Variants in RABGAP1L observed in about 807,000 individuals in gnomAD.
RABGAP1L encodes the protein RAB GTPase activating protein 1 like, also known as rab GTPase-activating protein 1-like.
A neutral mutation model predicts 137.7 loss-of-function variants in RABGAP1L; 63 were observed. That is an observed-to-expected ratio of 0.46 (90% CI 0.37 to 0.56). The LOEUF is 0.56. Among genes scored for constraint, RABGAP1L ranks in the 20% least tolerant of loss-of-function variants. The pLI, the probability that RABGAP1L is intolerant of heterozygous loss-of-function variation, is 0.00. For missense variants in RABGAP1L, 1,095 were observed against 1,244.0 expected, an observed-to-expected ratio of 0.88 and a Z score of 1.80; for synonymous variants, 431 against 433.7, an observed-to-expected ratio of 0.99 and a Z score of 0.08.
chr1:174,621,713 T>A (rs969484959), intron 13 of RABGAP1L, among the ~76,000 whole-genome samples: 13 of 152,236 alleles, frequency 8.5e-5, no homozygotes, highest in South Asian at 2.1e-4. Flanking sequence ...CAAGATGGAT[T>A]AAAGACTTAA....
chr1:174,548,536 CA>C, intron 13 of RABGAP1L: 1 of 971,820 alleles, frequency 1.0e-6, no homozygotes, highest in Non-Finnish European at 1.2e-6. Flanking sequence ...GTAAGTTTTT[CA>C]AAACAGTAAA....
chr1:174,251,510 A>G (rs1406382743), intron 6 of RABGAP1L, among the ~76,000 whole-genome samples: 1 of 152,200 alleles, frequency 6.6e-6, no homozygotes, highest in Non-Finnish European at 1.5e-5. Flanking sequence ...TTTTATCTGT[A>G]GTTTTACAGA....
chr1:174,793,913 T>C (rs1388970425), intron 18 of RABGAP1L, among the ~76,000 whole-genome samples: 1 of 152,110 alleles, frequency 6.6e-6, no homozygotes, highest in Non-Finnish European at 1.5e-5. Flanking sequence ...GCCAGGTTGG[T>C]CTCAAACTCC....
intron 13 of RABGAP1L, among the ~76,000 whole-genome samples, chr1:174,620,315 A>T (rs1341216352): frequency 6.6e-6 from 1 of 152,204 alleles, no homozygotes; most frequent in Non-Finnish European, 1.5e-5. Flanking sequence ...CTTCACCCCA[A>T]ATCAACAGAA....
chr1:174,967,304 T>C (rs924381421), intron 20 of RABGAP1L, among the ~76,000 whole-genome samples: 4 of 150,754 alleles, frequency 2.7e-5, no homozygotes, highest in Non-Finnish European at 4.4e-5. Context: ...GCTGGGATCA[T>C]GTGTGCACAC....
chr1:174,809,869 C>G (rs1490534846), intron 18 of RABGAP1L, among the ~76,000 whole-genome samples: 2 of 152,236 alleles, frequency 1.3e-5, no homozygotes, highest in Admixed American at 6.5e-5. Flanking sequence ...GGCTCTCTCT[C>G]AGACTGAAGT....
intron 17 of RABGAP1L, among the ~76,000 whole-genome samples, chr1:174,712,895 A>G (rs1179147550): frequency 6.6e-6 from 1 of 152,084 alleles, no homozygotes; most frequent in Non-Finnish European, 1.5e-5. Context: ...TGTTCCTCCC[A>G]ACGTCCAGCC....
chr1:174,982,129 C>A (rs1330725897), intron 23 of RABGAP1L, among the ~76,000 whole-genome samples: 3 of 152,044 alleles, frequency 2.0e-5, no homozygotes, highest in Non-Finnish European at 4.4e-5. Flanking sequence ...TTTGTTTTAT[C>A]CACTCTGCCA....
intron 9 of RABGAP1L, 47 bp from the exon 10 acceptor site, chr1:174,278,566 C>G (rs1243614695): frequency 4.8e-6 from 7 of 1,471,716 alleles, no homozygotes; most frequent in Non-Finnish European, 6.5e-6. Flanking sequence ...TTAAAGTAGA[C>G]AAGGAATAAT....
intron 4 of RABGAP1L, among the ~76,000 whole-genome samples, chr1:174,238,353 T>G (rs1406195457): frequency 6.6e-6 from 1 of 152,176 alleles, no homozygotes; most frequent in South Asian, 2.1e-4. Flanking sequence ...CTCTGCGTTT[T>G]AGAGTTTCCA....
chr1:174,163,013 C>T (rs1364621439), intron 1 of RABGAP1L, among the ~76,000 whole-genome samples: 3 of 150,942 alleles, frequency 2.0e-5, no homozygotes, highest in East Asian at 2.0e-4. Flanking sequence ...GTGGGTGCAG[C>T]GCACCAGGTG....
chr1:174,374,080 A>G (rs1685319585), intron 12 of RABGAP1L, among the ~76,000 whole-genome samples: 1 of 152,234 alleles, frequency 6.6e-6, no homozygotes, highest in African/African-American at 2.4e-5. Flanking sequence ...TTGGTCTGAA[A>G]GTGTACTTTT....
At chr1:174,433,259 C>T (rs73040852) in intron 13 of RABGAP1L, among the ~76,000 whole-genome samples, 2,496 of 152,140 alleles carry the variant, frequency 0.016, 68 homozygotes, top group African/African-American at 0.057. Flanking sequence ...ATCTCCTTGT[C>T]TTCAAACTTA....
chr1:174,167,091 C>G (rs1446580172), intron 1 of RABGAP1L, among the ~76,000 whole-genome samples: 4 of 152,146 alleles, frequency 2.6e-5, no homozygotes, highest in African/African-American at 4.8e-5. Flanking sequence ...GTGACCTGTT[C>G]CACAATATAG....
At position 174,252,529 on chromosome 1, in the gene RABGAP1L, A is replaced by G. The variant is rs778597237; in HGVS notation, c.925A>G (p.Ile309Val). 1 of 1,613,306 alleles carries G rather than the reference A, an allele frequency of 6.2e-7. No individual in the cohort carries two copies. Among genetic ancestry groups the G allele is most frequent in the Admixed American group, 1.7e-5 (1 of 59,896 alleles). ...ATTTTATTTCAAATTAAAGCAAGGA[A>G]TAGAGAAGAAGGTTGTGATTACAGT... is the stretch of plus-strand genomic sequence containing the variant. ...DKFYFKLKQG[I>V]EKKVVITVQQ... The change falls in exon 7 of 26, where the codon ATA becomes GTA. Residue 309 changes from isoleucine to valine, a missense_variant. Ile to Val is a conservative substitution (Grantham distance 29). Transcript: ENST00000681986.
At chr1:174,560,382 C>T (rs934822705) in intron 13 of RABGAP1L, among the ~76,000 whole-genome samples, 1 of 151,976 alleles carries the variant, frequency 6.6e-6, no homozygotes, top group Non-Finnish European at 1.5e-5. Flanking sequence ...GGTGCCCCAT[C>T]CTATGAGTTA....
At chr1:174,681,975 A>G (rs894756766) in intron 14 of RABGAP1L, among the ~76,000 whole-genome samples, 7 of 152,152 alleles carry the variant, frequency 4.6e-5, no homozygotes, top group African/African-American at 7.2e-5. Context: ...ATTCTTTGAG[A>G]GTCTTTTAAA....
intron 19 of RABGAP1L, among the ~76,000 whole-genome samples, chr1:174,825,781 C>T (rs1691503886): frequency 6.6e-6 from 1 of 152,200 alleles, no homozygotes; most frequent in Admixed American, 6.5e-5. Context: ...GTAATCCCAA[C>T]TCGGGAGGCT....
chr1:174,783,714 T>C (rs1687214671), intron 18 of RABGAP1L, among the ~76,000 whole-genome samples: 1 of 141,692 alleles, frequency 7.1e-6, no homozygotes, highest in South Asian at 2.4e-4. Context: ...CTTCTTTTTT[T>C]TTTTTTTTTT....
Sources: gnomAD v4.1 joint callset for allele counts (sites outside exome capture counted in the v4.1 genomes callset) on GRCh38, gnomAD v4.1.1 for gene constraint, MANE v1.5 for transcripts, NCBI Gene and HGNC (gene_info 2026-07-23, HGNC 2026-07-21) for gene names.